The following PPP3CA variants were observed in gnomAD, a reference collection of about 807,000 sequenced individuals.
The protein encoded by PPP3CA is CAM-PRP catalytic subunit.
In PPP3CA, 14 loss-of-function variants were observed where a neutral mutation model predicts 66.5. The ratio of observed to expected loss-of-function variants is 0.21; its 90% confidence interval spans 0.14 to 0.33. PPP3CA has a LOEUF of 0.33. Ranked by LOEUF, PPP3CA falls within the 10% of genes least tolerant of loss-of-function variation. PPP3CA has a pLI of 1.00. For synonymous variants in PPP3CA, 232 were observed against 226.2 expected, an observed-to-expected ratio of 1.03 and a Z score of -0.23; for missense variants, 317 against 639.5, an observed-to-expected ratio of 0.50 and a Z score of 5.44.
At position 101,047,647 on chromosome 4, in the gene PPP3CA, G is replaced by A. The variant is rs116586087; in HGVS notation, c.1157-7081C>T. 1.4e-3 allele frequency among the ~76,000 whole-genome samples: 216 copies of A among 152,000 alleles called. 1 individual carries two copies. Among genetic ancestry groups the A allele is most frequent in the African/African-American group, 4.7e-3 (193 of 41,452 alleles). ...TATATACATGTTTTAAATTAGACAG[G>A]ATCTCTCCATGTGGCCCAGGCTGGA... is the stretch of plus-strand genomic sequence containing the variant. On this transcript the variant is annotated intron_variant, in intron 10 of 13. Coordinates refer to ENST00000394854, the MANE Select transcript of PPP3CA (RefSeq NM_000944.5).
intron 10 of PPP3CA, among the ~76,000 whole-genome samples, chr4:101,055,470 T>C (rs1728186610): frequency 1.3e-5 from 2 of 152,130 alleles, no homozygotes; most frequent in African/African-American, 4.8e-5. Context: ...ATAAATTAGA[T>C]CATCAAAAGA....
At chr4:101,270,567 A>G (rs953517649) in intron 1 of PPP3CA, among the ~76,000 whole-genome samples, 3 of 152,196 alleles carry the variant, frequency 2.0e-5, no homozygotes, top group Non-Finnish European at 4.4e-5. Flanking sequence ...TTAGATACCA[A>G]AGGAGGTTTT....
intron 1 of PPP3CA, among the ~76,000 whole-genome samples, chr4:101,242,314 A>T (rs1726337512): frequency 6.6e-6 from 1 of 152,126 alleles, no homozygotes; most frequent in African/African-American, 2.4e-5. Flanking sequence ...AGTTATTTTT[A>T]AAATCTAATT....
rs200907376 is a variant in PPP3CA, at chr4:101,345,917, A to T, written c.58+822T>A. Among the ~76,000 whole-genome samples, 12 of 152,114 alleles carry T rather than the reference A, an allele frequency of 7.9e-5. No individual in the cohort carries two copies. In the East Asian group the frequency reaches 1.9e-3, roughly 24 times the overall value. ...CTTGGGAGGTGTGCACGAGTGGAGA[A>T]CCCTTTAAGAGCAATGACAGGTCGG... On this transcript the variant is annotated intron_variant, in intron 1 of 13. Coordinates refer to ENST00000394854, the MANE Select transcript of PPP3CA (RefSeq NM_000944.5).
intron 1 of PPP3CA, among the ~76,000 whole-genome samples, chr4:101,219,882 C>T (rs756953483): frequency 6.6e-6 from 1 of 151,724 alleles, no homozygotes; most frequent in Admixed American, 6.6e-5. Flanking sequence ...AAATGCATAG[C>T]TTTATAGTAT....
At chr4:101,188,203 T>C (rs904494465) in intron 2 of PPP3CA, among the ~76,000 whole-genome samples, 1 of 152,054 alleles carries the variant, frequency 6.6e-6, no homozygotes. Context: ...AATAATACTA[T>C]CTTGAATATG....
intron 1 of PPP3CA, among the ~76,000 whole-genome samples, chr4:101,266,900 T>C (rs985404055): frequency 2.0e-5 from 3 of 152,226 alleles, no homozygotes; most frequent in Non-Finnish European, 4.4e-5. Context: ...CTCTCTCATA[T>C]AGAGAATGTG....
chr4:101,234,552 C>G (rs1490879359), intron 1 of PPP3CA, among the ~76,000 whole-genome samples: 3 of 151,202 alleles, frequency 2.0e-5, no homozygotes, highest in African/African-American at 7.3e-5. Flanking sequence ...AGTGTCTGTT[C>G]ATGTCCTTTC....
Position 101,074,251 on chromosome 4 carries a change from C to T in PPP3CA, c.955+6281G>A, listed in dbSNP as rs190995982. Among the ~76,000 whole-genome samples, 236 of 152,200 alleles carry T rather than the reference C, an allele frequency of 1.6e-3. 5 individuals carry two copies. Among genetic ancestry groups the T allele is most frequent in the Admixed American group, 0.012 (190 of 15,288 alleles). On this transcript the variant is annotated intron_variant, in intron 8 of 13. Transcript: ENST00000394854. ...TGGAAACAGATATGCTACTTGGAGA[C>T]GCCTGGGTATAGATTCCACTTTCCT...
At chr4:101,131,421 GAAA>G (rs60025424) in intron 2 of PPP3CA, among the ~76,000 whole-genome samples, 11 of 102,480 alleles carry the variant, frequency 1.1e-4, no homozygotes, top group African/African-American at 3.7e-5. Flanking sequence ...CAAATAGAAA[GAAA>G]AAAAAAAAAA....
chr4:101,129,856 A>G (rs1385426072), intron 2 of PPP3CA, among the ~76,000 whole-genome samples: 1 of 151,954 alleles, frequency 6.6e-6, no homozygotes, highest in Admixed American at 6.6e-5. Flanking sequence ...AAGGATCACA[A>G]CTCCTCACCA....
At chr4:101,186,519 T>C (rs1406990038) in intron 2 of PPP3CA, among the ~76,000 whole-genome samples, 1 of 152,182 alleles carries the variant, frequency 6.6e-6, no homozygotes, top group Non-Finnish European at 1.5e-5. Flanking sequence ...CACCCTTGCA[T>C]ATATTTGGCT....
At chr4:101,029,501 TC>T (rs1726841593) in intron 12 of PPP3CA, among the ~76,000 whole-genome samples, 1 of 152,018 alleles carries the variant, frequency 6.6e-6, no homozygotes, top group Admixed American at 6.6e-5. Flanking sequence ...TAGGAAAATT[TC>T]TTTTACATGG....
chr4:101,293,694 C>T (rs530440087), intron 1 of PPP3CA, among the ~76,000 whole-genome samples: 7 of 152,198 alleles, frequency 4.6e-5, no homozygotes, highest in Non-Finnish European at 7.3e-5. Context: ...CAGAGGCCCA[C>T]GCCCTCCCTT....
At chr4:101,054,593 A>G (rs10003855) in intron 10 of PPP3CA, among the ~76,000 whole-genome samples, 9,661 of 152,122 alleles carry the variant, frequency 0.064, 347 homozygotes, top group African/African-American at 0.093. Flanking sequence ...AAGATACAAC[A>G]TTAGTCACAC....
At chr4:101,083,163 T>C (rs1729514207) in intron 7 of PPP3CA, 23 bp downstream of exon 7, 1 of 1,419,960 alleles carries the variant, frequency 7.0e-7, no homozygotes, top group Non-Finnish European at 9.3e-7. Flanking sequence ...GCATGGTTTT[T>C]ATAAATGCTC....
At chr4:101,124,723 A>AGAGAGAG (rs1722165038) in intron 2 of PPP3CA, among the ~76,000 whole-genome samples, 1 of 48,178 alleles carries the variant, frequency 2.1e-5, no homozygotes, top group Non-Finnish European at 4.4e-5. Flanking sequence ...GAAAGAAAGA[A>AGAGAGAG]AGAGAAAGAA....
At chr4:101,266,360 G>T (rs1049748365) in intron 1 of PPP3CA, among the ~76,000 whole-genome samples, 1 of 151,918 alleles carries the variant, frequency 6.6e-6, no homozygotes, top group Non-Finnish European at 1.5e-5. Flanking sequence ...AAAATAAATA[G>T]GATTATTAAG....
chr4:101,069,418 C>T (rs1053748967), intron 8 of PPP3CA, among the ~76,000 whole-genome samples: 6 of 152,144 alleles, frequency 3.9e-5, no homozygotes, highest in African/African-American at 1.4e-4. Flanking sequence ...CCTCTATATA[C>T]TTTATATAAC....
Sources: gnomAD v4.1 joint callset for allele counts (sites outside exome capture counted in the v4.1 genomes callset) on GRCh38, gnomAD v4.1.1 for gene constraint, MANE v1.5 for transcripts, NCBI Gene and HGNC (gene_info 2026-07-23, HGNC 2026-07-21) for gene names.